The following STPG2 variants were observed in gnomAD, a reference collection of about 807,000 sequenced individuals.
The protein encoded by STPG2 is sperm-tail PG-rich repeat-containing protein 2.
Under a neutral mutation model 54.2 loss-of-function variants are expected in STPG2, and 56 were observed. The ratio of observed to expected loss-of-function variants is 1.03; its 90% CI spans 0.83 to 1.29. STPG2 has a LOEUF of 1.29. Among genes scored for constraint, STPG2 ranks in the 50% most tolerant of loss-of-function variants. STPG2 has a pLI of 0.00. For synonymous variants in STPG2, 200 were observed against 181.8 expected, an observed-to-expected ratio of 1.10 and a Z score of -0.81; for missense variants, 596 against 544.9, an observed-to-expected ratio of 1.09 and a Z score of -0.93.
At chr4:97,551,243 A>G (rs1222476625) in intron 4 of STPG2, among the ~76,000 whole-genome samples, 1 of 152,174 alleles carries the variant, frequency 6.6e-6, no homozygotes, top group Non-Finnish European at 1.5e-5. Context: ...CTGACCCAGG[A>G]AGCCCAGCTG....
intron 7 of STPG2, among the ~76,000 whole-genome samples, chr4:97,954,556 T>C (rs1052822401): frequency 6.6e-6 from 1 of 151,878 alleles, no homozygotes; most frequent in African/African-American, 2.4e-5. Flanking sequence ...CATCAAAGAG[T>C]AAAGTTAAGA....
At chr4:97,930,118 C>T (rs534588383) in intron 8 of STPG2, among the ~76,000 whole-genome samples, 79 of 152,188 alleles carry the variant, frequency 5.2e-4, no homozygotes, top group South Asian at 8.3e-4. Flanking sequence ...AGGATGGTCT[C>T]AATCTCCTGA....
At chr4:97,674,834 T>C (rs1320151029) in intron 10 of STPG2, among the ~76,000 whole-genome samples, 1 of 152,152 alleles carries the variant, frequency 6.6e-6, no homozygotes, top group African/African-American at 2.4e-5. Context: ...ACCATATTAA[T>C]AATTATAATA....
At chr4:97,866,982 G>A (rs1268634183) in intron 8 of STPG2, among the ~76,000 whole-genome samples, 1 of 151,858 alleles carries the variant, frequency 6.6e-6, no homozygotes, top group African/African-American at 2.4e-5. Context: ...AGCTATACTG[G>A]CAACCTCTCA....
chr4:97,949,890 T>G (rs941556601), intron 7 of STPG2, among the ~76,000 whole-genome samples: 1 of 152,004 alleles, frequency 6.6e-6, no homozygotes, highest in Non-Finnish European at 1.5e-5. Context: ...TTTTGTTTTG[T>G]TTTTTGTTTT....
intron 9 of STPG2, among the ~76,000 whole-genome samples, chr4:97,742,565 GTCTATA>G (rs1285263894): frequency 4.3e-4 from 51 of 118,214 alleles, no homozygotes; most frequent in Non-Finnish European, 6.4e-4. Flanking sequence ...GTGTGTGTGT[GTCTATA>G]TATATATGGA....
At chr4:97,552,443 T>C (rs1731985843) in intron 4 of STPG2, among the ~76,000 whole-genome samples, 1 of 152,130 alleles carries the variant, frequency 6.6e-6, no homozygotes, top group Non-Finnish European at 1.5e-5. Flanking sequence ...TGGTGCTCAC[T>C]TCTGTCCCTT....
chr4:97,666,286 G>A (rs561364242), intron 10 of STPG2, among the ~76,000 whole-genome samples: 3 of 152,262 alleles, frequency 2.0e-5, no homozygotes, highest in South Asian at 4.1e-4. Flanking sequence ...CAGCATCATG[G>A]CAGTGGCCTC....
intron 7 of STPG2, among the ~76,000 whole-genome samples, chr4:97,951,182 T>A (rs933320281): frequency 6.6e-6 from 1 of 152,156 alleles, no homozygotes; most frequent in Non-Finnish European, 1.5e-5. Flanking sequence ...ACCCACCAAA[T>A]TGTCCTTAAA....
intron 7 of STPG2, among the ~76,000 whole-genome samples, chr4:97,961,460 C>A (rs1445523860): frequency 6.6e-6 from 1 of 152,166 alleles, no homozygotes; most frequent in Non-Finnish European, 1.5e-5. Flanking sequence ...ATCTATACAT[C>A]TGACAAAGGA....
chr4:97,520,603 T>G (rs1247520176), intron 4 of STPG2, among the ~76,000 whole-genome samples: 1 of 152,212 alleles, frequency 6.6e-6, no homozygotes, highest in South Asian at 2.1e-4. Context: ...AGAATCTTTT[T>G]AAGTTCCTGG....
In STPG2 at chr4:97,502,290, A is replaced by G. The variant is rs553791006; in HGVS notation, c.462+210409T>C. 5.9e-5 allele frequency among the ~76,000 whole-genome samples: 9 copies of G among 152,144 alleles called. No individual in the cohort carries two copies. The South Asian group carries it at 1.9e-3, about 32-fold the overall frequency. On this transcript the variant is annotated intron_variant, in intron 4 of 4. Coordinates refer to the STPG2 transcript ENST00000522676. ...AATTATTGTGCGTCCCTGATAAAAA[A>G]AAATACCTTAGGCAAACAGGCAGAA...
At chr4:97,900,585 T>C (rs1369221754) in intron 8 of STPG2, among the ~76,000 whole-genome samples, 6 of 152,068 alleles carry the variant, frequency 3.9e-5, no homozygotes, top group Non-Finnish European at 5.9e-5. Flanking sequence ...TGAAATACCA[T>C]GCTGCCATAA....
intron 5 of STPG2, among the ~76,000 whole-genome samples, chr4:98,061,050 A>G (rs1262109681): frequency 6.6e-6 from 1 of 152,214 alleles, no homozygotes; most frequent in East Asian, 1.9e-4. Flanking sequence ...ATTGCAATAA[A>G]AGCAAAAATT....
chr4:97,934,912 A>G (rs1732692823), intron 8 of STPG2, among the ~76,000 whole-genome samples: 1 of 152,098 alleles, frequency 6.6e-6, no homozygotes, highest in Non-Finnish European at 1.5e-5. Context: ...AGTTGTTTGG[A>G]ATTGTTTTAG....
At chr4:97,596,729 T>C (rs1196131595) in intron 10 of STPG2, among the ~76,000 whole-genome samples, 1 of 152,004 alleles carries the variant, frequency 6.6e-6, no homozygotes, top group Non-Finnish European at 1.5e-5. Flanking sequence ...GAAAAAAAGA[T>C]AAAACATAAC....
At chr4:97,850,439 G>T (rs1578620598) in intron 8 of STPG2, among the ~76,000 whole-genome samples, 1 of 150,128 alleles carries the variant, frequency 6.7e-6, no homozygotes, top group African/African-American at 2.4e-5. Context: ...ATTTCCAGAG[G>T]TTGAAGTAAT....
intron 4 of STPG2, among the ~76,000 whole-genome samples, chr4:97,526,222 A>G (rs1001328421): frequency 1.3e-5 from 2 of 152,086 alleles, no homozygotes; most frequent in African/African-American, 4.8e-5. Context: ...GAAACAGAGC[A>G]CAATTCAACT....
rs111592261 is a variant in STPG2 at position 97,773,081 on chromosome 4, A to G, written c.1205-60267T>C. Among the ~76,000 whole-genome samples, 792 of 152,272 alleles carry G rather than the reference A, an allele frequency of 5.2e-3. 3 individuals carry two copies. The highest frequency in any genetic ancestry group is 0.02 in the Middle Eastern group (6 of 294). On this transcript the variant is annotated intron_variant, in intron 9 of 10. Coordinates refer to ENST00000295268, the MANE Select transcript of STPG2 (RefSeq NM_174952.3). ...GAAATTGTATCATCACTCCTTTTAT[A>G]TTACGTCAACAAACATTTTTATATG... is the stretch of plus-strand genomic sequence containing the variant.
Sources: gnomAD v4.1 joint callset for allele counts (sites outside exome capture counted in the v4.1 genomes callset) on GRCh38, gnomAD v4.1.1 for gene constraint, MANE v1.5 for transcripts, NCBI Gene and HGNC (gene_info 2026-07-23, HGNC 2026-07-21) for gene names.